The following NR2F2 variants were observed in gnomAD, a reference collection of about 807,000 sequenced individuals.
NR2F2 encodes the protein nuclear receptor subfamily 2 group F member 2, also known as COUP transcription factor 2.
NR2F2 carries 2 observed loss-of-function variants against 34.8 expected under a neutral mutation model. The observed-to-expected ratio is 0.06, with a 90% CI of 0.02 to 0.18. NR2F2 has a LOEUF of 0.18. NR2F2 is among the 10% of genes least tolerant of loss of function. NR2F2 has a pLI of 1.00. For synonymous variants in NR2F2, 274 were observed against 251.8 expected (o/e 1.09, Z -0.84); for missense variants, 300 against 580.1 (o/e 0.52, Z 4.96).
In NR2F2 at chr15:96,332,057, G is replaced by C; in HGVS notation, c.-49G>C. The C allele has an allele frequency of 2.4e-6, 3 of 1,253,488 alleles. No individual in the cohort carries two copies. Among genetic ancestry groups the C allele is most frequent in the Non-Finnish European group, 3.0e-6 (3 of 997,262 alleles). The allele number at this position is 1,253,488 out of a possible 1,614,324, so 77.6% of individuals were successfully genotyped here. On this transcript the variant is annotated 5_prime_UTR_variant, in exon 1 of 3. Coordinates refer to ENST00000394166, the MANE Select transcript of NR2F2 (RefSeq NM_021005.4). ...CCCGGGGAGCCGCCGCCGCCCCGCCGCCGCCCGCAGCCAGGGGAGCAGGAA... is the reference window on the plus strand; with the variant it reads ...CCCGGGGAGCCGCCGCCGCCCCGCCCCCGCCCGCAGCCAGGGGAGCAGGAA...
At position 96,332,232 on chromosome 15, in the gene NR2F2, C is replaced by G; in HGVS notation, c.127C>G (p.Pro43Ala). ...CGGCGCCCCGCACACGCCACAGACG[C>G]CCGGCCAAGGGGGCCCAGCCAGCAC... ...PPGAPHTPQT[P>A]GQGGPASTPA... The change falls in exon 1 of 3, where the codon CCC becomes GCC. Residue 43 changes from proline (P) to alanine (A), a missense_variant. Pro to Ala is a conservative substitution (Grantham distance 27). Coordinates refer to ENST00000394166, the MANE Select transcript of NR2F2 (RefSeq NM_021005.4). The G allele has an allele frequency of 6.5e-7, 1 of 1,533,442 alleles. No individual in the cohort carries two copies. Among genetic ancestry groups the G allele is most frequent in the Non-Finnish European group, 8.8e-7 (1 of 1,141,276 alleles). 95.0% of individuals were successfully genotyped at this position (1,533,442 alleles called of 1,614,324 possible). A position where few individuals can be genotyped will look rare whatever the true frequency, so the allele number is the denominator to read the frequency against.
chr15:96,331,685 GGA>G lies in NR2F2; in HGVS notation c.-416_-415del, dbSNP rs1388683970. The G allele has an allele frequency of 3.6e-6, 4 of 1,099,780 alleles. No individual in the cohort carries two copies. In the East Asian group the frequency reaches 1.0e-4, roughly 27 times the overall value. 68.1% of individuals were successfully genotyped at this position (1,099,780 alleles called of 1,614,324 possible). ...GAGAGTGAGAGCGAGCGAGATCTTTGGAGAGATTTTTTTTTTTGCCTCCTACT... is the reference window on the plus strand; with the variant it reads ...GAGAGTGAGAGCGAGCGAGATCTTTGGAGATTTTTTTTTTTGCCTCCTACT... On this transcript the variant is annotated 5_prime_UTR_variant, in exon 1 of 3. Transcript: ENST00000394166.
At chr15:96,332,751 C>T in intron 1 of NR2F2, 1 of 1,189,330 alleles carries the variant, frequency 8.4e-7, no homozygotes. Context: ...TCCTTCTTTA[C>T]TCTCTCTTTG....
Position 96,337,821 on chromosome 15 carries a change from T to TAAAA in NR2F2, c.*211_*214dup. 4 of 178,460 alleles carry TAAAA rather than the reference T, an allele frequency of 2.2e-5. No homozygotes were observed. Among genetic ancestry groups the TAAAA allele is most frequent in the South Asian group, 1.7e-4 (1 of 5,788 alleles). The allele number at this position is 178,460 out of a possible 1,614,324, so 11.1% of individuals were successfully genotyped here. A position where few individuals can be genotyped will look rare whatever the true frequency, so the allele number is the denominator to read the frequency against. On this transcript the variant is annotated 3_prime_UTR_variant, in exon 3 of 3. Transcript: ENST00000394166. ...TCAAATGAACTTTTACAGAATGCAT[T>TAAAA]AAAAAAAAAAAAAAACTCCTGTGTC... is the stretch of plus-strand genomic sequence containing the variant.
chr15:96,334,032 G>C, intron 1 of NR2F2, 44 bp from the exon 2 acceptor site: 2 of 1,581,010 alleles, frequency 1.3e-6, no homozygotes, highest in Non-Finnish European at 1.7e-6. Context: ...CCTGGGGACT[G>C]AGGCTGGTCA....
Position 96,331,242 on chromosome 15 carries a change from C to G in NR2F2, c.-864C>G. 3.0e-6 allele frequency: 3 copies of G among 985,772 alleles called. No individual in the cohort carries two copies. The highest frequency in any genetic ancestry group is 3.6e-6 in the Non-Finnish European group (3 of 831,338). 61.1% of individuals were successfully genotyped at this position (985,772 alleles called of 1,614,324 possible). ...TCCACCCAGCGACTGCGGGCGGCGG[C>G]GGCCGGAGAGAGCGAGGCGCGCGCC... On this transcript the variant is annotated 5_prime_UTR_variant, in exon 1 of 3. Coordinates refer to ENST00000394166, the MANE Select transcript of NR2F2 (RefSeq NM_021005.4).
chr15:96,337,688 A>T lies in NR2F2; in HGVS notation c.*66A>T, dbSNP rs2141172437. 6.7e-7 allele frequency: 1 copy of T among 1,502,520 alleles called. No individual in the cohort carries two copies. The highest frequency in any genetic ancestry group is 2.3e-5 in the East Asian group (1 of 44,124). The allele number at this position is 1,502,520 out of a possible 1,614,324, so 93.1% of individuals were successfully genotyped here. On this transcript the variant is annotated 3_prime_UTR_variant, in exon 3 of 3. Coordinates refer to ENST00000394166, the MANE Select transcript of NR2F2 (RefSeq NM_021005.4). Reference sequence around the variant, plus strand: ...AGGCAAAAGACTGGTTTGTTTGCTTAATTTCCTTCTGTTAAGAAAGGATAT... The same window carrying T: ...AGGCAAAAGACTGGTTTGTTTGCTTTATTTCCTTCTGTTAAGAAAGGATAT...
rs1349117732 is a variant in NR2F2, at chr15:96,339,636, CAG to C, written c.*2018_*2019del. 1 of 152,032 alleles carries C rather than the reference CAG, an allele frequency of 6.6e-6. No homozygotes were observed. The highest frequency in any genetic ancestry group is 1.5e-5 in the Non-Finnish European group (1 of 68,024). The allele number at this position is 152,032 out of a possible 1,614,324, so 9.4% of individuals were successfully genotyped here. A position where few individuals can be genotyped will look rare whatever the true frequency, so the allele number is the denominator to read the frequency against. Reference sequence around the variant, plus strand: ...CCAAATTAAGGAAGAGAAAGCAGGACAGAGAAAAAGAAAGAAGGAAGGAGGGA... The same window carrying C: ...CCAAATTAAGGAAGAGAAAGCAGGACAGAAAAAGAAAGAAGGAAGGAGGGA... On this transcript the variant is annotated 3_prime_UTR_variant, in exon 3 of 3. Coordinates refer to ENST00000394166, the MANE Select transcript of NR2F2 (RefSeq NM_021005.4).
rs1899119340 is a variant in NR2F2, at chr15:96,330,979, C to T, written c.-1127C>T. On this transcript the variant is annotated 5_prime_UTR_variant, in exon 1 of 3. Transcript: ENST00000394166. Reference sequence around the variant, plus strand: ...GTGCTTCTAGGTGGTGATCTGCCCTCCTCTCTCTCTTTTATCATTTCTCCC... The same window carrying T: ...GTGCTTCTAGGTGGTGATCTGCCCTTCTCTCTCTCTTTTATCATTTCTCCC... The T allele has an allele frequency of 1.7e-6, 2 of 1,201,758 alleles. No individual in the cohort carries two copies. The highest frequency in any genetic ancestry group is 2.1e-6 in the Non-Finnish European group (2 of 968,038). 74.4% of individuals were successfully genotyped at this position (1,201,758 alleles called of 1,614,324 possible). A position where few individuals can be genotyped will look rare whatever the true frequency, so the allele number is the denominator to read the frequency against.
rs1899144402 is a variant in NR2F2 at position 96,331,585 on chromosome 15, C to T, written c.-521C>T. 2 of 1,217,928 alleles carry T rather than the reference C, an allele frequency of 1.6e-6. No homozygotes were observed. The highest frequency in any genetic ancestry group is 4.3e-5 in the Admixed American group (1 of 23,320). 75.4% of individuals were successfully genotyped at this position (1,217,928 alleles called of 1,614,324 possible). A position where few individuals can be genotyped will look rare whatever the true frequency, so the allele number is the denominator to read the frequency against. ...ACCACCACCTCCTCTTCCTCCTCCTCCTCCTCCTCCTCCTCCGCCAACTCC... is the reference window on the plus strand; with the variant it reads ...ACCACCACCTCCTCTTCCTCCTCCTTCTCCTCCTCCTCCTCCGCCAACTCC... On this transcript the variant is annotated 5_prime_UTR_variant, in exon 1 of 3. Coordinates refer to ENST00000394166, the MANE Select transcript of NR2F2 (RefSeq NM_021005.4).
Position 96,340,084 on chromosome 15 carries a change from T to A in NR2F2, c.*2462T>A, listed in dbSNP as rs1483227288. The A allele has an allele frequency of 6.6e-6, 1 of 152,110 alleles. No individual in the cohort carries two copies. The highest frequency in any genetic ancestry group is 1.9e-4 in the East Asian group (1 of 5,196). 9.4% of individuals were successfully genotyped at this position (152,110 alleles called of 1,614,324 possible). On this transcript the variant is annotated 3_prime_UTR_variant, in exon 3 of 3. Coordinates refer to ENST00000394166, the MANE Select transcript of NR2F2 (RefSeq NM_021005.4). ...GACCTTTAGTTCGAGGTTTTGTCGG[T>A]TGTTGTTGATTTTCTTCCTCTTGCA...
At chr15:96,333,439 T>G (rs1899215368) in intron 1 of NR2F2, 1 of 1,002,948 alleles carries the variant, frequency 1.0e-6, no homozygotes, top group Non-Finnish European at 1.2e-6. Flanking sequence ...GCCTGCTCCC[T>G]GCCTCTCCCG....
intron 1 of NR2F2, 118 bp from the exon 2 acceptor site, chr15:96,333,958 G>A: frequency 6.6e-7 from 1 of 1,514,790 alleles, no homozygotes; most frequent in Non-Finnish European, 8.8e-7. Flanking sequence ...GGCCTGCCTG[G>A]TTCTTGCGCT....
chr15:96,337,637 A>G lies in NR2F2; in HGVS notation c.*15A>G, dbSNP rs758970479. 1 of 1,607,360 alleles carries G rather than the reference A, an allele frequency of 6.2e-7. No individual in the cohort carries two copies. The highest frequency in any genetic ancestry group is 8.5e-7 in the Non-Finnish European group (1 of 1,175,546). On this transcript the variant is annotated 3_prime_UTR_variant, in exon 3 of 3. Transcript: ENST00000394166. ...CAATTCAATAAATAAATAAAATAAG[A>G]AGGGGGAGTGAAACAGAGAAAGAAA... is the stretch of plus-strand genomic sequence containing the variant.
At chr15:96,326,508 G>C (rs924639254), upstream of NR2F2, among the ~76,000 whole-genome samples, 3 of 151,786 alleles carry the variant, frequency 2.0e-5, no homozygotes, top group African/African-American at 4.8e-5. This position sits in a 1 kb window ranked among gnomAD's most constrained non-coding sequence, Gnocchi z 5.5. Flanking sequence ...TTCGGGGAAG[G>C]GGGGATCAGA....
upstream of NR2F2, among the ~76,000 whole-genome samples, chr15:96,330,518 C>CGGCCGCCATGGCGG (rs1899102407): frequency 6.8e-6 from 1 of 146,604 alleles, no homozygotes; most frequent in Non-Finnish European, 1.5e-5. Context: ...GCTGCGCCCG[C>CGGCCGCCATGGCGG]GGCCGCCATG....
chr15:96,333,265 G>A, intron 1 of NR2F2: 2 of 885,816 alleles, frequency 2.3e-6, no homozygotes, highest in Non-Finnish European at 2.8e-6. Flanking sequence ...GGCGCGCTCG[G>A]CGCGGGGCGC....
Position 96,338,474 on chromosome 15 carries a change from G to C in NR2F2, c.*852G>C, listed in dbSNP as rs1230003396. The C allele has an allele frequency of 2.0e-5, 3 of 152,514 alleles. No homozygotes were observed. The highest frequency in any genetic ancestry group is 6.6e-5 in the Admixed American group (1 of 15,266). The allele number at this position is 152,514 out of a possible 1,614,324, so 9.4% of individuals were successfully genotyped here. ...AAGTGAACTTTTGTAATTTGAATTGGGTCCCGCTTAGTTCTTGAATTGTTA... is the reference window on the plus strand; with the variant it reads ...AAGTGAACTTTTGTAATTTGAATTGCGTCCCGCTTAGTTCTTGAATTGTTA... On this transcript the variant is annotated 3_prime_UTR_variant, in exon 3 of 3. Coordinates refer to ENST00000394166, the MANE Select transcript of NR2F2 (RefSeq NM_021005.4).
chr15:96,333,995 C>G, intron 1 of NR2F2, 81 bp from the exon 2 acceptor site: 1 of 1,545,670 alleles, frequency 6.5e-7, no homozygotes, highest in Middle Eastern at 2.1e-4. Flanking sequence ...AGGTGGGGGT[C>G]GGGCTGGGGC....
Sources: gnomAD v4.1 joint callset for allele counts (sites outside exome capture counted in the v4.1 genomes callset) on GRCh38, gnomAD v4.1.1 for gene constraint, Gnocchi (gnomAD v3.1) non-coding constraint, MANE v1.5 for transcripts, NCBI Gene and HGNC (gene_info 2026-07-23, HGNC 2026-07-21) for gene names.